PCDHGA7: variants seen among roughly 807,000 people sequenced by gnomAD.
The protein encoded by PCDHGA7 is protocadherin gamma subfamily A, 7.
In PCDHGA7, 44 loss-of-function variants were observed where a neutral mutation model predicts 58.3. The observed-to-expected ratio is 0.75, with a 90% CI of 0.59 to 0.97. The LOEUF (loss-of-function observed/expected upper bound fraction) is 0.97. Among genes scored for constraint, PCDHGA7 ranks in the 50% least tolerant of loss-of-function variants. PCDHGA7 has a pLI of 0.00. For missense variants in PCDHGA7, 1,266 were observed against 1,188.7 expected (o/e 1.06, Z -0.96); for synonymous variants, 516 against 504.2 (o/e 1.02, Z -0.31).
At chr5:141,478,629 T>A in intron 1 of PCDHGA7, 1 of 1,553,688 alleles carries the variant, frequency 6.4e-7, no homozygotes, top group Non-Finnish European at 8.7e-7. Context: ...AGCTGTTTTT[T>A]TAGTGATGAA....
rs1294010280 is a variant in PCDHGA7, at chr5:141,382,782, G to A, written c.-118G>A. On this transcript the variant is annotated 5_prime_UTR_variant, in exon 1 of 4. Coordinates refer to ENST00000518325, the MANE Select transcript of PCDHGA7 (RefSeq NM_018920.4). ...CTCTTCCAGGCTGCACTAAACTCAA[G>A]CCTCTATCCTGCTGGATTCTGAGCT... is the stretch of plus-strand genomic sequence containing the variant. 2.6e-5 allele frequency: 22 copies of A among 844,882 alleles called. No individual in the cohort carries two copies. Among genetic ancestry groups the A allele is most frequent in the African/African-American group, 1.2e-4 (7 of 59,134 alleles). 52.3% of individuals were successfully genotyped at this position (844,882 alleles called of 1,614,324 possible).
rs909255357 is a variant in PCDHGA7 at position 141,489,178 on chromosome 5, C to A, written c.2425-5629C>A. 5 of 1,234,744 alleles carry A rather than the reference C, an allele frequency of 4.0e-6. No individual in the cohort carries two copies. The highest frequency in any genetic ancestry group is 2.3e-5 in the Admixed American group (1 of 42,922). The allele number at this position is 1,234,744 out of a possible 1,614,324, so 76.5% of individuals were successfully genotyped here. Reference sequence around the variant, plus strand: ...GAGACTTCAGCTGCTGCATTCCAAGCCCTGGGTCTACCTTGGAGACAGGAC... The same window carrying A: ...GAGACTTCAGCTGCTGCATTCCAAGACCTGGGTCTACCTTGGAGACAGGAC... On this transcript the variant is annotated intron_variant, in intron 1 of 3. Transcript: ENST00000518325. This position sits in a 1 kb window ranked among gnomAD's most constrained non-coding sequence, Gnocchi z 4.5.
At chr5:141,394,639 T>C (rs2150578020) in intron 1 of PCDHGA7, 2 of 1,611,968 alleles carry the variant, frequency 1.2e-6, no homozygotes, top group Middle Eastern at 1.7e-4. Flanking sequence ...TACCGCCTGC[T>C]CAAGGCCAGC....
At chr5:141,420,521 C>A in intron 1 of PCDHGA7, 1 of 378,418 alleles carries the variant, frequency 2.6e-6, no homozygotes, top group Non-Finnish European at 4.4e-6. Context: ...AGTAAAATAC[C>A]TTTCGGTTAA....
chr5:141,496,772 T>C (rs994207358), intron 2 of PCDHGA7, among the ~76,000 whole-genome samples: 9 of 152,008 alleles, frequency 5.9e-5, no homozygotes, highest in African/African-American at 1.2e-4. Flanking sequence ...GCATCTACTA[T>C]GAGCAGGGCC....
At chr5:141,395,131 C>G in intron 1 of PCDHGA7, 1 of 1,614,202 alleles carries the variant, frequency 6.2e-7, no homozygotes, top group Non-Finnish European at 8.5e-7. Flanking sequence ...TTTCCCCAGC[C>G]CAACTACGCA....
At chr5:141,398,384 T>A (rs1413881140) in intron 1 of PCDHGA7, 1 of 1,454,330 alleles carries the variant, frequency 6.9e-7, no homozygotes, top group East Asian at 2.3e-5. Context: ...GAGTTGCTTG[T>A]GAGCAGCAGG....
rs1453419469 is a variant in PCDHGA7, at chr5:141,505,501, G to A, written c.2572+20G>A. On this transcript the variant is annotated intron_variant, in intron 3 of 3. Transcript: ENST00000518325. ...CCAGTGGTAAGTGGTGTCAGTGTGT[G>A]TATGGAAGAGTGGGAGACCTGGGGT... The A allele has an allele frequency of 1.2e-6, 2 of 1,614,156 alleles. No homozygotes were observed. Among genetic ancestry groups the A allele is most frequent in the Non-Finnish European group, 1.7e-6 (2 of 1,179,970 alleles).
chr5:141,387,634 G>A, intron 1 of PCDHGA7: 3 of 589,412 alleles, frequency 5.1e-6, no homozygotes, highest in South Asian at 2.4e-5. Flanking sequence ...TCTGGGCGCC[G>A]CTGTTGGCCA....
intron 1 of PCDHGA7, chr5:141,415,179 G>A: frequency 6.2e-7 from 1 of 1,613,934 alleles, no homozygotes; most frequent in Non-Finnish European, 8.5e-7. Flanking sequence ...CCGTGGCCGT[G>A]GCCGACAGCA....
At chr5:141,429,037 G>A (rs1404164429) in intron 1 of PCDHGA7, 1 of 152,054 alleles carries the variant, frequency 6.6e-6, no homozygotes, top group African/African-American at 2.4e-5. Flanking sequence ...TGCATTTTTA[G>A]TACAGACGGG....
intron 1 of PCDHGA7, among the ~76,000 whole-genome samples, chr5:141,402,570 C>G (rs947118867): frequency 1.3e-5 from 2 of 152,138 alleles, no homozygotes; most frequent in Admixed American, 1.3e-4. Flanking sequence ...TTATTTACAA[C>G]TCAGATATCT....
intron 3 of PCDHGA7, among the ~76,000 whole-genome samples, chr5:141,509,801 T>C (rs556629445): frequency 2.6e-5 from 4 of 152,140 alleles, no homozygotes; most frequent in South Asian, 2.1e-4. Flanking sequence ...CTCAGCTTCA[T>C]AGAGCCGAGC....
intron 1 of PCDHGA7, chr5:141,423,010 G>C: frequency 6.2e-7 from 1 of 1,614,226 alleles, no homozygotes; most frequent in South Asian, 1.1e-5. Context: ...GGTGGTTGCG[G>C]TGGACAAAGA....
At chr5:141,433,028 G>C in intron 1 of PCDHGA7, 1 of 1,614,116 alleles carries the variant, frequency 6.2e-7, no homozygotes, top group Non-Finnish European at 8.5e-7. Context: ...TTCCCACGAG[G>C]TTTCCCTCAC....
Position 141,510,946 on chromosome 5 carries a change from GA to G in PCDHGA7, c.2574del (p.Ala859LeufsTer17). The G allele has an allele frequency of 6.2e-7, 1 of 1,614,128 alleles. No homozygotes were observed. ...LQAMILASAS[E>X]AADGSSTLGG... ...CACCTGATCTTCCTCTGTCTCTGCA[GA>G]AGCTGCTGATGGGAGCTCCACCCTG... On this transcript the variant is annotated frameshift_variant and splice_region_variant, in exon 4 of 4. Coordinates refer to ENST00000518325, the MANE Select transcript of PCDHGA7 (RefSeq NM_018920.4). LOFTEE classifies it high-confidence loss of function.
intron 2 of PCDHGA7, among the ~76,000 whole-genome samples, chr5:141,499,689 CTT>C (rs545067566): frequency 7.5e-5 from 9 of 119,852 alleles, no homozygotes; most frequent in African/African-American, 9.3e-5. Flanking sequence ...TAACAGATGA[CTT>C]TTTTTTTTTT....
intron 1 of PCDHGA7, among the ~76,000 whole-genome samples, chr5:141,434,692 A>G (rs891952554): frequency 8.5e-5 from 13 of 152,082 alleles, no homozygotes; most frequent in African/African-American, 2.4e-4. Flanking sequence ...CTTGCTGTTA[A>G]TAAATATGTG....
intron 2 of PCDHGA7, among the ~76,000 whole-genome samples, chr5:141,495,250 A>G (rs557893500): frequency 6.6e-6 from 1 of 152,188 alleles, no homozygotes; most frequent in Non-Finnish European, 1.5e-5. Context: ...CCTGGGGCTC[A>G]GGCAGAAAAG....
Sources: gnomAD v4.1 joint callset for allele counts (sites outside exome capture counted in the v4.1 genomes callset) on GRCh38, gnomAD v4.1.1 for gene constraint, Gnocchi (gnomAD v3.1) non-coding constraint, MANE v1.5 for transcripts, NCBI Gene and HGNC (gene_info 2026-07-23, HGNC 2026-07-21) for gene names.